Variants in IGF2BP3 observed in about 807,000 individuals in gnomAD.
IGF2BP3 encodes insulin like growth factor 2 mRNA binding protein 3, also known as insulin-like growth factor 2 mRNA-binding protein 3.
Under a neutral mutation model 73.8 loss-of-function variants are expected in IGF2BP3, and 9 were observed. The observed-to-expected ratio is 0.12, with a 90% CI of 0.07 to 0.21. The LOEUF is 0.21. Ranked by LOEUF, IGF2BP3 falls within the 10% of genes least tolerant of loss-of-function variation. The probability of loss-of-function intolerance (pLI) is 1.00; values close to 1 mark genes in which losing one functional copy is unlikely to be tolerated. For missense variants in IGF2BP3, 542 were observed against 714.0 expected (o/e 0.76, Z 2.75); for synonymous variants, 258 against 256.7 (o/e 1.01, Z -0.05).
At chr7:23,392,193 T>C (rs1002555680) in intron 3 of IGF2BP3, among the ~76,000 whole-genome samples, 18 of 152,176 alleles carry the variant, frequency 1.2e-4, no homozygotes, top group African/African-American at 4.3e-4. Flanking sequence ...GTCCACAGTA[T>C]GGCAGATGTG....
rs373192965 is a variant in IGF2BP3, at chr7:23,335,566, C to T, written c.1203+6498G>A. 2.0e-4 allele frequency among the ~76,000 whole-genome samples: 31 copies of T among 152,148 alleles called. No individual in the cohort carries two copies. In the East Asian group the frequency reaches 4.2e-3, roughly 21 times the overall value. ...TGCTGGGATTACAGGCATAAACCACCGCGCCTGGCCCTTTGTTTCTTAAAG... is the reference window on the plus strand; with the variant it reads ...TGCTGGGATTACAGGCATAAACCACTGCGCCTGGCCCTTTGTTTCTTAAAG... On this transcript the variant is annotated intron_variant, in intron 10 of 14. Coordinates refer to ENST00000258729, the MANE Select transcript of IGF2BP3 (RefSeq NM_006547.3).
At chr7:23,345,492 C>A (rs12700421) in intron 8 of IGF2BP3, among the ~76,000 whole-genome samples, 1 of 152,078 alleles carries the variant, frequency 6.6e-6, no homozygotes, top group African/African-American at 2.4e-5. Flanking sequence ...TGCCAACAGC[C>A]AGCATCAACT....
chr7:23,374,909 T>C (rs1785669887), intron 3 of IGF2BP3, among the ~76,000 whole-genome samples: 1 of 152,174 alleles, frequency 6.6e-6, no homozygotes, highest in Non-Finnish European at 1.5e-5. Context: ...CATGAAATCT[T>C]CACAGTTTAT....
At chr7:23,421,764 A>C (rs986244857) in intron 2 of IGF2BP3, among the ~76,000 whole-genome samples, 26 of 151,516 alleles carry the variant, frequency 1.7e-4, no homozygotes, top group African/African-American at 5.8e-4. Flanking sequence ...CATATATGCA[A>C]GTACTAATCT....
In IGF2BP3 at chr7:23,363,146, T is replaced by G. The variant is rs114244229; in HGVS notation, c.286-1405A>C. Among the ~76,000 whole-genome samples the G allele has an allele frequency of 9.4e-3, 1,439 of 152,362 alleles. 25 individuals carry two copies. The highest frequency in any genetic ancestry group is 0.033 in the African/African-American group (1,378 of 41,586). ...ATTTTATGGTAATTTACTACTAAAC[T>G]TAAGCAATTTCTTCTAAAGGAAGGT... On this transcript the variant is annotated intron_variant, in intron 3 of 14. Coordinates refer to ENST00000258729, the MANE Select transcript of IGF2BP3 (RefSeq NM_006547.3).
intron 3 of IGF2BP3, among the ~76,000 whole-genome samples, chr7:23,372,115 C>T (rs1266672776): frequency 6.6e-6 from 1 of 151,728 alleles, no homozygotes; most frequent in Non-Finnish European, 1.5e-5. Flanking sequence ...ACTCTGTCAC[C>T]CAGGCTGGAG....
At chr7:23,405,582 T>C (rs1786801504) in intron 3 of IGF2BP3, among the ~76,000 whole-genome samples, 1 of 152,202 alleles carries the variant, frequency 6.6e-6, no homozygotes, top group Admixed American at 6.5e-5. Context: ...CAGGCTTAAA[T>C]GCCTGAGCCC....
intron 5 of IGF2BP3, among the ~76,000 whole-genome samples, chr7:23,357,934 C>A (rs1190944202): frequency 6.6e-6 from 1 of 152,232 alleles, no homozygotes; most frequent in African/African-American, 2.4e-5. Context: ...AGCTGCCTGG[C>A]TCCTCAGCAT....
intron 3 of IGF2BP3, among the ~76,000 whole-genome samples, chr7:23,371,236 A>G (rs1297785594): frequency 6.6e-6 from 1 of 152,010 alleles, no homozygotes; most frequent in Non-Finnish European, 1.5e-5. Context: ...GAAAGGAGTC[A>G]CCTTGACTAC....
chr7:23,319,776 A>G (rs1162769698), intron 10 of IGF2BP3, among the ~76,000 whole-genome samples: 4 of 152,216 alleles, frequency 2.6e-5, no homozygotes, highest in Non-Finnish European at 5.9e-5. Flanking sequence ...AAATTGTATG[A>G]AACCTTACCA....
chr7:23,360,052 AC>A (rs1331784789), intron 5 of IGF2BP3, among the ~76,000 whole-genome samples: 1 of 151,552 alleles, frequency 6.6e-6, no homozygotes, highest in Non-Finnish European at 1.5e-5. Context: ...AGTGAAAAAC[AC>A]AAGATATCAC....
intron 10 of IGF2BP3, among the ~76,000 whole-genome samples, chr7:23,325,518 A>G (rs370777885): frequency 6.6e-6 from 1 of 152,238 alleles, no homozygotes; most frequent in African/African-American, 2.4e-5. Context: ...TACAGATTCA[A>G]TGCCATCCTC....
chr7:23,346,238 G>C (rs1466101221), intron 7 of IGF2BP3, 176 bp from the exon 8 acceptor site: 1 of 567,860 alleles, frequency 1.8e-6, no homozygotes, highest in African/African-American at 1.9e-5. Flanking sequence ...TGAATAGAAG[G>C]GGAGAAAAAA....
At chr7:23,344,110 AT>A (rs2128502237) in intron 8 of IGF2BP3, among the ~76,000 whole-genome samples, 1 of 152,358 alleles carries the variant, frequency 6.6e-6, no homozygotes, top group Admixed American at 6.5e-5. Flanking sequence ...AATCAAGTCC[AT>A]ATTTTAAATA....
At chr7:23,466,555 T>C (rs192994930) in intron 2 of IGF2BP3, among the ~76,000 whole-genome samples, 3 of 152,358 alleles carry the variant, frequency 2.0e-5, no homozygotes, top group East Asian at 1.9e-4. Flanking sequence ...TGAAGATACA[T>C]TGATAAATAC....
At chr7:23,333,399 A>G (rs890219870) in intron 10 of IGF2BP3, among the ~76,000 whole-genome samples, 11 of 152,200 alleles carry the variant, frequency 7.2e-5, no homozygotes, top group Admixed American at 2.0e-4. Flanking sequence ...CCGAACATGC[A>G]TGTGTCTTAG....
chr7:23,451,900 A>T (rs993985252), intron 2 of IGF2BP3, among the ~76,000 whole-genome samples: 5 of 150,896 alleles, frequency 3.3e-5, no homozygotes, highest in African/African-American at 1.2e-4. Flanking sequence ...GTGAGCCAAG[A>T]TTACACCACT....
chr7:23,440,848 C>T (rs11763760), intron 2 of IGF2BP3, among the ~76,000 whole-genome samples: 25,639 of 152,188 alleles, frequency 0.17, 2,455 homozygotes, highest in South Asian at 0.27. Context: ...TAAGCCTACT[C>T]TACTGACGAT....
chr7:23,371,820 C>T (rs1785556936), intron 3 of IGF2BP3, among the ~76,000 whole-genome samples: 1 of 152,176 alleles, frequency 6.6e-6, no homozygotes, highest in Non-Finnish European at 1.5e-5. Flanking sequence ...CTTTAGGACT[C>T]CTAGGAGTCA....
Sources: gnomAD v4.1 joint callset for allele counts (sites outside exome capture counted in the v4.1 genomes callset) on GRCh38, gnomAD v4.1.1 for gene constraint, MANE v1.5 for transcripts, NCBI Gene and HGNC (gene_info 2026-07-23, HGNC 2026-07-21) for gene names.